The following IL1RAPL1 variants were observed in gnomAD, a reference collection of about 807,000 sequenced individuals.
IL1RAPL1 encodes the protein interleukin 1 receptor accessory protein like 1.
Under a neutral mutation model 48.4 loss-of-function variants are expected in IL1RAPL1, and 3 were observed. That is an observed-to-expected ratio of 0.06 (90% CI 0.03 to 0.16). The LOEUF (loss-of-function observed/expected upper bound fraction) is 0.16. Ranked by LOEUF, IL1RAPL1 falls within the 10% of genes least tolerant of loss-of-function variation. The pLI, the probability that IL1RAPL1 is intolerant of heterozygous loss-of-function variation, is 1.00. For synonymous variants in IL1RAPL1, 185 were observed against 187.7 expected (o/e 0.99, Z 0.12); for missense variants, 349 against 530.6 (o/e 0.66, Z 3.36).
Position 29,488,070 on chromosome X carries a change from G to A in IL1RAPL1, c.703+88762G>A, listed in dbSNP as rs186542833. Among the ~76,000 whole-genome samples the A allele has an allele frequency of 5.2e-3, 584 of 111,832 alleles. 8 individuals carry two copies. The highest frequency in any genetic ancestry group is 0.018 in the African/African-American group (560 of 30,780). ...GTGTCTTTATTTCACAATTCAACAA[G>A]GAAGGACACTACAGATCACATAGCT... On this transcript the variant is annotated intron_variant, in intron 5 of 10. Coordinates refer to ENST00000378993, the MANE Select transcript of IL1RAPL1 (RefSeq NM_014271.4).
At chrX:28,588,379 CTT>C (rs957864124) in intron 1 of IL1RAPL1, among the ~76,000 whole-genome samples, 5 of 111,326 alleles carry the variant, frequency 4.5e-5, no homozygotes, top group African/African-American at 1.3e-4. Context: ...GGTAGACACT[CTT>C]TGTTTGAATG....
At chrX:28,933,971 C>T (rs191623614) in intron 2 of IL1RAPL1, among the ~76,000 whole-genome samples, 10 of 111,273 alleles carry the variant, frequency 9.0e-5, no homozygotes, top group South Asian at 3.8e-4. Context: ...ACAGTGAGGA[C>T]GACCAGAAGT....
chrX:28,716,474 A>G (rs1172717153), intron 1 of IL1RAPL1, among the ~76,000 whole-genome samples: 1 of 111,913 alleles, frequency 8.9e-6, no homozygotes, highest in Non-Finnish European at 1.9e-5. Context: ...GTCTGGCCAT[A>G]TGCAGAAGAT....
chrX:29,106,695 G>A (rs974451284), intron 2 of IL1RAPL1, among the ~76,000 whole-genome samples: 2 of 111,685 alleles, frequency 1.8e-5, no homozygotes, highest in African/African-American at 6.5e-5. Flanking sequence ...GGAAATTTGA[G>A]CATAATCTAG....
intron 2 of IL1RAPL1, among the ~76,000 whole-genome samples, chrX:29,174,999 G>A (rs7052613): frequency 0.32 from 33,098 of 104,614 alleles, 4,284 homozygotes; most frequent in East Asian, 0.55. Context: ...GCGTGAACCC[G>A]GGAGGCGGAG....
chrX:28,677,749 A>G (rs1458505563), intron 1 of IL1RAPL1, among the ~76,000 whole-genome samples: 1 of 110,945 alleles, frequency 9.0e-6, no homozygotes, highest in Admixed American at 9.6e-5. Context: ...CACGAAGCCC[A>G]ACTAATTTTT....
rs1459970932 is a variant in IL1RAPL1, at chrX:29,024,117, A to AAT, written c.82+234693_82+234694insTA. Among the ~76,000 whole-genome samples, 4 of 112,047 alleles carry AAT rather than the reference A, an allele frequency of 3.6e-5. No individual in the cohort carries two copies. In the Admixed American group the frequency reaches 3.8e-4, roughly 11 times the overall value. On this transcript the variant is annotated intron_variant, in intron 2 of 10. Coordinates refer to ENST00000378993, the MANE Select transcript of IL1RAPL1 (RefSeq NM_014271.4). ...TGCAGACAAATTAAATGACTTTCTC[A>AAT]AACCACACAGATAAGAAGTCATAGA... is the stretch of plus-strand genomic sequence containing the variant.
At chrX:29,936,803 G>T (rs1334372039) in intron 8 of IL1RAPL1, among the ~76,000 whole-genome samples, 1 of 111,734 alleles carries the variant, frequency 8.9e-6, no homozygotes, top group African/African-American at 3.2e-5. Flanking sequence ...TATACTAAGA[G>T]ATGGCACGCA....
At chrX:29,243,690 A>G (rs1225434362) in intron 2 of IL1RAPL1, among the ~76,000 whole-genome samples, 1 of 111,092 alleles carries the variant, frequency 9.0e-6, no homozygotes, top group East Asian at 2.8e-4. Flanking sequence ...CTGCTTTTCT[A>G]TTTTATCTCT....
chrX:29,024,925 A>G (rs1428781756), intron 2 of IL1RAPL1, among the ~76,000 whole-genome samples: 1 of 111,829 alleles, frequency 8.9e-6, no homozygotes, highest in Admixed American at 9.5e-5. Flanking sequence ...TTCCATTTAA[A>G]AGAAACACCA....
At chrX:29,460,631 T>C (rs1257791118) in intron 5 of IL1RAPL1, among the ~76,000 whole-genome samples, 2 of 112,327 alleles carry the variant, frequency 1.8e-5, no homozygotes, top group Admixed American at 9.5e-5. Flanking sequence ...CTAATACCAC[T>C]ATGCAACTTG....
chrX:28,617,083 T>A (rs2146886581), intron 1 of IL1RAPL1, among the ~76,000 whole-genome samples: 1 of 112,441 alleles, frequency 8.9e-6, no homozygotes, highest in African/African-American at 3.2e-5. Flanking sequence ...TTTAAATACC[T>A]GGGGAATAAA....
At chrX:29,721,261 T>A (rs2147125592) in intron 6 of IL1RAPL1, among the ~76,000 whole-genome samples, 1 of 111,710 alleles carries the variant, frequency 9.0e-6, no homozygotes, top group African/African-American at 3.3e-5. Context: ...ATGGGTTAGA[T>A]AATATGAGCT....
intron 1 of IL1RAPL1, among the ~76,000 whole-genome samples, chrX:28,681,569 T>G (rs1054482355): frequency 9.0e-6 from 1 of 111,528 alleles, no homozygotes; most frequent in African/African-American, 3.3e-5. Flanking sequence ...GATTAATAAT[T>G]TCTTGAGATG....
At chrX:29,300,027 C>G (rs776059533) in intron 3 of IL1RAPL1, among the ~76,000 whole-genome samples, 10 of 111,826 alleles carry the variant, frequency 8.9e-5, no homozygotes, top group Non-Finnish European at 1.5e-4. Context: ...GATCTCTGCT[C>G]TCTTTTGCCT....
At chrX:28,994,682 G>T (rs751184894) in intron 2 of IL1RAPL1, among the ~76,000 whole-genome samples, 8 of 111,806 alleles carry the variant, frequency 7.2e-5, no homozygotes, top group Non-Finnish European at 1.3e-4. Context: ...AGGTTTAAAT[G>T]CAGTGAAGAG....
intron 5 of IL1RAPL1, among the ~76,000 whole-genome samples, chrX:29,656,111 G>T (rs771951180): frequency 1.8e-5 from 2 of 112,545 alleles, no homozygotes; most frequent in South Asian, 7.3e-4. Context: ...GGCCAGGGCC[G>T]TTAAATATTT....
Position 29,449,780 on chromosome X carries a change from C to CACACAGAGAG in IL1RAPL1, c.703+50473_703+50474insCACAGAGAGA, listed in dbSNP as rs557765024. ...ACACACACACACACACACACACACA[C>CACACAGAGAG]AGAGAGAGAGAGAGAGAGAATATAA... On this transcript the variant is annotated intron_variant, in intron 5 of 10. Transcript: ENST00000378993. 4.2e-3 allele frequency among the ~76,000 whole-genome samples: 244 copies of CACACAGAGAG among 58,228 alleles called. 3 individuals are homozygous for CACACAGAGAG. Among genetic ancestry groups the CACACAGAGAG allele is most frequent in the African/African-American group, 0.017 (225 of 13,411 alleles). The allele number at this position is 58,228 out of a possible 115,157, so 50.6% of individuals were successfully genotyped here.
chrX:29,416,172 A>G (rs1459666756), intron 5 of IL1RAPL1, among the ~76,000 whole-genome samples: 2 of 111,946 alleles, frequency 1.8e-5, no homozygotes, highest in African/African-American at 6.5e-5. Context: ...AGAAATGTGG[A>G]TAATGGTACA....
Sources: allele counts gnomAD v4.1 joint callset (sites outside exome capture counted in the v4.1 genomes callset), GRCh38; gene constraint gnomAD v4.1.1; transcripts MANE v1.5; gene names NCBI Gene and HGNC (gene_info 2026-07-23, HGNC 2026-07-21).